Variants in IFT46 observed in about 807,000 individuals in gnomAD.
IFT46 encodes the protein intraflagellar transport protein 46 homolog.
IFT46 carries 19 observed loss-of-function variants against 39.6 expected under a neutral mutation model. That is an observed-to-expected ratio of 0.48 (90% CI 0.33 to 0.70). The LOEUF (loss-of-function observed/expected upper bound fraction) is 0.70. Among genes scored for constraint, IFT46 ranks in the 30% least tolerant of loss-of-function variants. The pLI is 0.01. For synonymous variants in IFT46, 117 were observed against 134.8 expected (o/e 0.87, Z 0.91); for missense variants, 334 against 364.8 (o/e 0.92, Z 0.69).
chr11:118,561,370 G>C, intron 2 of IFT46: 2 of 860,102 alleles, frequency 2.3e-6, no homozygotes, highest in South Asian at 2.6e-5. Flanking sequence ...AATGCATAAA[G>C]AAGAGCGTAA....
intron 2 of IFT46, chr11:118,561,167 G>A: frequency 1.4e-6 from 2 of 1,428,120 alleles, no homozygotes; most frequent in South Asian, 1.1e-5. Context: ...TAAAGTTTTT[G>A]GCACCCTGAA....
At position 118,556,929 on chromosome 11, in the gene IFT46, T is replaced by TTCA. The variant is rs782142049; in HGVS notation, c.159_161dup (p.Asp53dup). ...ACCCTTCCAGAGGGGCTCCATGCTC[T>TTCA]TCATCATCATCATCAGAATCAGAAT... On this transcript the variant is annotated inframe_insertion, in exon 4 of 12. Coordinates refer to ENST00000264021, the MANE Select transcript of IFT46 (RefSeq NM_001168618.2). 2 of 1,608,076 alleles carry TTCA rather than the reference T, an allele frequency of 1.2e-6. No homozygotes were observed. The highest frequency in any genetic ancestry group is 8.5e-7 in the Non-Finnish European group (1 of 1,176,808).
At chr11:118,545,588 G>C in intron 10 of IFT46, 94 bp from the exon 11 acceptor site, 1 of 1,180,176 alleles carries the variant, frequency 8.5e-7, no homozygotes, top group Non-Finnish European at 1.3e-6. Flanking sequence ...TGGCAGATGG[G>C]GTGTCGCTAT....
upstream of IFT46, chr11:118,573,695 C>A: frequency 1.4e-6 from 1 of 702,210 alleles, no homozygotes; most frequent in Non-Finnish European, 2.6e-6. Context: ...CTAATAAGTT[C>A]TATTGACAAC....
upstream of IFT46, among the ~76,000 whole-genome samples, chr11:118,568,018 T>C (rs1289125879): frequency 6.6e-6 from 1 of 152,320 alleles, no homozygotes; most frequent in South Asian, 2.1e-4. Context: ...ATACTGCCAC[T>C]ATGGGACTCC....
At chr11:118,571,449 T>C (rs77240871) in intron 1 of IFT46, among the ~76,000 whole-genome samples, 2,375 of 152,306 alleles carry the variant, frequency 0.016, 78 homozygotes, top group African/African-American at 0.053. Flanking sequence ...TATGTACCTA[T>C]GAGTGGAATT....
chr11:118,576,491 A>G (rs1938516245), upstream of IFT46, among the ~76,000 whole-genome samples: 1 of 151,826 alleles, frequency 6.6e-6, no homozygotes, highest in African/African-American at 2.4e-5. Context: ...TTCCTCAGAG[A>G]AAATCAGATC....
upstream of IFT46, among the ~76,000 whole-genome samples, chr11:118,575,666 A>G (rs977081233): frequency 1.3e-5 from 2 of 152,226 alleles, no homozygotes; most frequent in African/African-American, 4.8e-5. Flanking sequence ...GTGTGCATGT[A>G]TATGTGTATA....
chr11:118,545,813 T>C lies in IFT46; in HGVS notation c.713A>G (p.Glu238Gly). 4 of 1,614,204 alleles carry C rather than the reference T, an allele frequency of 2.5e-6. No individual in the cohort carries two copies. In the South Asian group the frequency reaches 3.3e-5, roughly 13 times the overall value. ...PTAEIDCSLA[E>G]YIDMICAILD... Reference sequence around the variant, plus strand: ...CTCACCACAGATCATGTCAATGTACTCTGCCAGGCTGCAATCAATCTCTGC... The same window carrying C: ...CTCACCACAGATCATGTCAATGTACCCTGCCAGGCTGCAATCAATCTCTGC... The change falls in exon 10 of 12, where the codon GAG becomes GGG. Residue 238 changes from glutamate to glycine, a missense_variant. By Grantham distance (98) the Glu-to-Gly change is moderately conservative (BLOSUM62 -2). Transcript: ENST00000264021.
intron 2 of IFT46, chr11:118,560,832 A>C: frequency 1.3e-6 from 1 of 753,896 alleles, no homozygotes; most frequent in Admixed American, 1.7e-5. Flanking sequence ...AACACACCCA[A>C]ATATAAGATG....
At chr11:118,554,924 G>A in intron 6 of IFT46, 66 bp downstream of exon 6, 1 of 1,180,666 alleles carries the variant, frequency 8.5e-7, no homozygotes, top group Non-Finnish European at 1.3e-6. Context: ...TAGGGAAACT[G>A]TTAAGAGTAA....
chr11:118,565,985 T>A (rs1490024136), upstream of IFT46: 1 of 152,190 alleles, frequency 6.6e-6, no homozygotes, highest in Non-Finnish European at 1.5e-5. Flanking sequence ...TCCTGCGCGT[T>A]AAGCCTCACC....
rs1379504784 is a variant in IFT46 at position 118,565,916 on chromosome 11, C to T, written c.-259G>A. 2 of 152,574 alleles carry T rather than the reference C, an allele frequency of 1.3e-5. No homozygotes were observed. Among genetic ancestry groups the T allele is most frequent in the African/African-American group, 4.8e-5 (2 of 41,444 alleles). The allele number at this position is 152,574 out of a possible 1,614,324, so 9.5% of individuals were successfully genotyped here. A position where few individuals can be genotyped will look rare whatever the true frequency, so the allele number is the denominator to read the frequency against. The stretch of plus-strand genomic sequence containing the variant: ...GCCAAGCAACCAGCCTGTTGTCAGT[C>T]GCTAGGCAAAAAGATAAATTTTAAA... On this transcript the variant is annotated 5_prime_UTR_variant, in exon 1 of 12. Coordinates refer to ENST00000264021, the MANE Select transcript of IFT46 (RefSeq NM_001168618.2).
upstream of IFT46, among the ~76,000 whole-genome samples, chr11:118,567,792 G>A (rs912083134): frequency 6.6e-6 from 1 of 152,146 alleles, no homozygotes; most frequent in Non-Finnish European, 1.5e-5. Context: ...TTACTATGTA[G>A]GAGCACTTAG....
chr11:118,564,296 G>A (rs1938156410), intron 2 of IFT46, among the ~76,000 whole-genome samples: 1 of 150,968 alleles, frequency 6.6e-6, no homozygotes, highest in African/African-American at 2.4e-5. Context: ...CATTTGGCAT[G>A]TGTTTACTCA....
upstream of IFT46, among the ~76,000 whole-genome samples, chr11:118,569,091 G>C (rs918164381): frequency 3.4e-4 from 51 of 149,896 alleles, 1 homozygote; most frequent in Admixed American, 3.3e-3. Flanking sequence ...GACCAGCCTG[G>C]CCATGGTGAA....
At chr11:118,557,393 T>C in intron 3 of IFT46, 1 of 393,228 alleles carries the variant, frequency 2.5e-6, no homozygotes, top group Non-Finnish European at 4.5e-6. Flanking sequence ...ATGGCAACTC[T>C]AGTTATTTTG....
At chr11:118,557,727 T>C (rs1555069785) in intron 3 of IFT46, 1 of 1,613,862 alleles carries the variant, frequency 6.2e-7, no homozygotes, top group Non-Finnish European at 8.5e-7. Context: ...GTTCTTGACA[T>C]TATAACCTAC....
chr11:118,557,796 G>A, intron 3 of IFT46: 1 of 1,614,102 alleles, frequency 6.2e-7, no homozygotes, highest in Non-Finnish European at 8.5e-7. Context: ...ATGAGAAGGG[G>A]TCTGGTGGCA....
Sources: gnomAD v4.1 joint callset for allele counts (sites outside exome capture counted in the v4.1 genomes callset) on GRCh38, gnomAD v4.1.1 for gene constraint, MANE v1.5 for transcripts, NCBI Gene and HGNC (gene_info 2026-07-23, HGNC 2026-07-21) for gene names.